The following SLC1A1 variants were observed in gnomAD, a reference collection of about 807,000 sequenced individuals.
The protein encoded by SLC1A1 is excitatory amino acid transporter 3.
In SLC1A1, 43 loss-of-function variants were observed where a neutral mutation model predicts 53.3. The ratio of observed to expected loss-of-function variants is 0.81; its 90% CI spans 0.63 to 1.04. The LOEUF (loss-of-function observed/expected upper bound fraction) is 1.04. Ranked by LOEUF, SLC1A1 falls within the 50% of genes least tolerant of loss-of-function variation. SLC1A1 has a pLI of 0.00. For missense variants in SLC1A1, 748 were observed against 664.9 expected (o/e 1.12, Z -1.37); for synonymous variants, 307 against 243.2 (o/e 1.26, Z -2.44).
rs772737046 is a variant in SLC1A1, at chr9:4,572,260, G to A, written c.639G>A (p.Leu213=). Residue 213 remains leucine (L), a synonymous_variant, in exon 7 of 12, where the codon CTG becomes CTA. Coordinates refer to ENST00000262352, the MANE Select transcript of SLC1A1 (RefSeq NM_004170.6). ...TGTATTCAGATGGCATAAACGTCCT[G>A]GGCTTGATTGTCTTTTGCCTTGTCT... is the stretch of plus-strand genomic sequence containing the variant. ...VGMYSDGINV[L]GLIVFCLVFG... is the part of the protein sequence containing the mutation. 2.5e-6 allele frequency: 4 copies of A among 1,614,082 alleles called. No individual in the cohort carries two copies. Among genetic ancestry groups the A allele is most frequent in the Non-Finnish European group, 3.4e-6 (4 of 1,179,960 alleles).
chr9:4,548,393 T>C (rs1467135739), intron 2 of SLC1A1, among the ~76,000 whole-genome samples: 2 of 151,934 alleles, frequency 1.3e-5, no homozygotes, highest in East Asian at 3.9e-4. Flanking sequence ...CTGAGGAGGG[T>C]TGAATGAGTC....
chr9:4,565,917 A>T, intron 4 of SLC1A1, 130 bp from the exon 5 acceptor site: 1 of 779,344 alleles, frequency 1.3e-6, no homozygotes, highest in Non-Finnish European at 2.3e-6. Flanking sequence ...AGGAAGTATT[A>T]CGCAAAGCAG....
At chr9:4,505,727 G>C (rs1055629801) in intron 1 of SLC1A1, among the ~76,000 whole-genome samples, 1 of 152,158 alleles carries the variant, frequency 6.6e-6, no homozygotes, top group Admixed American at 6.5e-5. Context: ...CATGATCTTG[G>C]CTCACTTCAA....
chr9:4,541,580 C>G (rs1817013924), intron 1 of SLC1A1, among the ~76,000 whole-genome samples: 2 of 152,120 alleles, frequency 1.3e-5, no homozygotes, highest in East Asian at 1.9e-4. Flanking sequence ...CCCTGGCACC[C>G]TTTAGTAATT....
At chr9:4,522,043 T>A (rs1816092567) in intron 1 of SLC1A1, among the ~76,000 whole-genome samples, 1 of 80,112 alleles carries the variant, frequency 1.2e-5, no homozygotes, top group African/African-American at 4.5e-5. Flanking sequence ...AACCTGCCTC[T>A]TTTTTTTTTT....
In SLC1A1 at chr9:4,568,684, G is replaced by T. The variant is rs535826834; in HGVS notation, c.582+917G>T. Among the ~76,000 whole-genome samples the T allele has an allele frequency of 1.6e-4, 23 of 145,504 alleles. No homozygotes were observed. In the East Asian group the frequency reaches 4.4e-3, roughly 28 times the overall value. On this transcript the variant is annotated intron_variant, in intron 6 of 11. Coordinates refer to ENST00000262352, the MANE Select transcript of SLC1A1 (RefSeq NM_004170.6). ...GCACTCAGCCTGGGTGACAGAGCAA[G>T]ACTCTTGTTTCAAAAAAAAAAAAAA...
At position 4,535,299 on chromosome 9, in the gene SLC1A1, T is replaced by C. The variant is rs534491180; in HGVS notation, c.92-9268T>C. Among the ~76,000 whole-genome samples, 9 of 152,272 alleles carry C rather than the reference T, an allele frequency of 5.9e-5. No homozygotes were observed. The South Asian group carries it at 1.9e-3, about 32-fold the overall frequency. On this transcript the variant is annotated intron_variant, in intron 1 of 11. Transcript: ENST00000262352. ...TTTGCAGAAGACATGATTGTGTATC[T>C]AGAAAACCCCATTGTCTCAGCCCAA... is the stretch of plus-strand genomic sequence containing the variant.
chr9:4,582,931 C>T, intron 10 of SLC1A1, 107 bp from the exon 11 acceptor site: 3 of 1,401,654 alleles, frequency 2.1e-6, no homozygotes, highest in Non-Finnish European at 3.0e-6. Context: ...AATTTAGGGA[C>T]ACAGCAGTAA....
intron 1 of SLC1A1, among the ~76,000 whole-genome samples, chr9:4,523,351 TC>T (rs1053219560): frequency 2.2e-4 from 33 of 147,750 alleles, no homozygotes; most frequent in African/African-American, 7.2e-4. Context: ...AAATGCCTTT[TC>T]TTTTTTTTTT....
At chr9:4,561,693 A>G in intron 3 of SLC1A1, 152 bp downstream of exon 3, 2 of 700,092 alleles carry the variant, frequency 2.9e-6, no homozygotes, top group Middle Eastern at 3.3e-4. Context: ...GGGGTTTGAG[A>G]CCAGCCTGGC....
At chr9:4,495,818 G>T (rs1820394212) in intron 1 of SLC1A1, among the ~76,000 whole-genome samples, 1 of 152,150 alleles carries the variant, frequency 6.6e-6, no homozygotes, top group Admixed American at 6.5e-5. Context: ...TAACCTGCAG[G>T]GCTTGGCTGG....
chr9:4,570,579 C>T (rs1163253888), intron 6 of SLC1A1, among the ~76,000 whole-genome samples: 1 of 152,042 alleles, frequency 6.6e-6, no homozygotes, highest in Admixed American at 6.6e-5. Context: ...CCATGTTGGC[C>T]AGGCTGGTCT....
At chr9:4,535,779 G>A (rs1816652391) in intron 1 of SLC1A1, among the ~76,000 whole-genome samples, 1 of 152,072 alleles carries the variant, frequency 6.6e-6, no homozygotes, top group Non-Finnish European at 1.5e-5. Context: ...GAACAAAGCT[G>A]GAGGCATCAC....
chr9:4,581,090 A>G (rs1309047989), intron 10 of SLC1A1, among the ~76,000 whole-genome samples: 1 of 152,158 alleles, frequency 6.6e-6, no homozygotes. Flanking sequence ...CCCATCTTAC[A>G]GGCAAGGAAT....
chr9:4,515,701 T>A (rs1251311552), intron 1 of SLC1A1, among the ~76,000 whole-genome samples: 1 of 152,194 alleles, frequency 6.6e-6, no homozygotes, highest in African/African-American at 2.4e-5. Context: ...AGTACTGCAG[T>A]CTGAGACTTC....
intron 1 of SLC1A1, among the ~76,000 whole-genome samples, chr9:4,522,892 G>A (rs1005049731): frequency 6.6e-6 from 1 of 152,184 alleles, no homozygotes; most frequent in Non-Finnish European, 1.5e-5. Context: ...TTCAAGATGA[G>A]ATTTGGGTGG....
At chr9:4,525,180 A>G (rs1339567831) in intron 1 of SLC1A1, among the ~76,000 whole-genome samples, 1 of 152,214 alleles carries the variant, frequency 6.6e-6, no homozygotes, top group Non-Finnish European at 1.5e-5. Flanking sequence ...GCCCTTGGAA[A>G]CAAGAGCAGA....
intron 5 of SLC1A1, among the ~76,000 whole-genome samples, chr9:4,566,300 C>CTTCATT (rs1399715134): frequency 6.6e-6 from 1 of 152,206 alleles, no homozygotes; most frequent in Non-Finnish European, 1.5e-5. Context: ...ATTTACACTG[C>CTTCATT]TTCCTTTTCC....
intron 1 of SLC1A1, among the ~76,000 whole-genome samples, chr9:4,506,913 G>C (rs1820827466): frequency 6.6e-6 from 1 of 152,212 alleles, no homozygotes; most frequent in Non-Finnish European, 1.5e-5. Flanking sequence ...GGGGGCTGAA[G>C]ATTCCCACAG....
Sources: allele counts gnomAD v4.1 joint callset (sites outside exome capture counted in the v4.1 genomes callset), GRCh38; gene constraint gnomAD v4.1.1; transcripts MANE v1.5; gene names NCBI Gene and HGNC (gene_info 2026-07-23, HGNC 2026-07-21).